The following LRRC37A2 variants were observed in gnomAD, a reference collection of about 807,000 sequenced individuals.
LRRC37A2 encodes the protein leucine-rich repeat-containing protein 37A2.
In LRRC37A2, 9 loss-of-function variants were observed where a neutral mutation model predicts 68.8. The observed-to-expected ratio is 0.13, with a 90% CI of 0.08 to 0.23. The LOEUF is 0.23. Ranked by LOEUF, LRRC37A2 falls within the 10% of genes least tolerant of loss-of-function variation. LRRC37A2 has a pLI of 1.00. For missense variants in LRRC37A2, 168 were observed against 950.4 expected, an observed-to-expected ratio of 0.18 and a Z score of 10.82; for synonymous variants, 63 against 367.6, an observed-to-expected ratio of 0.17 and a Z score of 9.48.
chr17:46,542,709 T>A (rs1240525198), intron 8 of LRRC37A2, among the ~76,000 whole-genome samples: 2 of 149,910 alleles, frequency 1.3e-5, no homozygotes, highest in African/African-American at 5.1e-5. Context: ...ATATATATAT[T>A]TATATATATG....
At chr17:46,962,613 G>A in the LRRC37A2 span, among the ~76,000 whole-genome samples, 1 of 152,222 alleles carries the variant, frequency 6.6e-6, no homozygotes, top group African/African-American at 2.4e-5. Flanking sequence ...GCCACATGGA[G>A]GAAATGCCAT....
chr17:47,040,539 TA>T, the LRRC37A2 span, among the ~76,000 whole-genome samples: 6 of 141,542 alleles, frequency 4.2e-5, no homozygotes, highest in Non-Finnish European at 9.4e-5. Flanking sequence ...ACTTCTTCTG[TA>T]AAGTCTCGCA....
chr17:46,552,930 C>G (rs2056933535), intron 11 of LRRC37A2, among the ~76,000 whole-genome samples: 4 of 144,070 alleles, frequency 2.8e-5, no homozygotes, highest in Admixed American at 1.4e-4. Flanking sequence ...TAGTATGCAC[C>G]TGTAGTCTCA....
chr17:47,035,526 G>A, the LRRC37A2 span, among the ~76,000 whole-genome samples: 7 of 152,150 alleles, frequency 4.6e-5, no homozygotes, highest in African/African-American at 1.7e-4. Context: ...ATATTCCATT[G>A]TATGGAGCCA....
the LRRC37A2 span, among the ~76,000 whole-genome samples, chr17:46,784,213 A>T: frequency 6.6e-6 from 1 of 152,186 alleles, no homozygotes; most frequent in African/African-American, 2.4e-5. Context: ...GAAGGAGGAA[A>T]GTATGGCCAA....
the LRRC37A2 span, among the ~76,000 whole-genome samples, chr17:46,859,394 T>A: frequency 1.0e-3 from 155 of 152,350 alleles, no homozygotes; most frequent in African/African-American, 3.6e-3. Context: ...CAGTGCCATT[T>A]GTTGAAATGA....
the LRRC37A2 span, among the ~76,000 whole-genome samples, chr17:46,748,005 TAAAAAGGTTAGA>T: frequency 3.3e-5 from 5 of 152,226 alleles, no homozygotes; most frequent in Non-Finnish European, 5.9e-5. Context: ...AGTTTTGTAT[TAAAAAGGTTAGA>T]AACAAAAGAT....
At chr17:46,868,028 T>C in the LRRC37A2 span, among the ~76,000 whole-genome samples, 2 of 152,046 alleles carry the variant, frequency 1.3e-5, no homozygotes, top group Non-Finnish European at 1.5e-5. Flanking sequence ...CATTGCTTTC[T>C]TAATGGGAAA....
At chr17:46,377,557 T>A in the LRRC37A2 span, among the ~76,000 whole-genome samples, 1 of 41,948 alleles carries the variant, frequency 2.4e-5, no homozygotes, top group African/African-American at 4.6e-5. Flanking sequence ...AATTTATTCC[T>A]CCTATCACTG....
the LRRC37A2 span, among the ~76,000 whole-genome samples, chr17:46,823,338 C>T: frequency 6.7e-6 from 1 of 150,342 alleles, no homozygotes; most frequent in South Asian, 2.1e-4. Flanking sequence ...CCTCAGCCTC[C>T]CAAGCAGCTG....
the LRRC37A2 span, among the ~76,000 whole-genome samples, chr17:47,025,551 A>C: frequency 6.6e-6 from 1 of 152,260 alleles, no homozygotes; most frequent in South Asian, 2.1e-4. Flanking sequence ...CCTAAGAAGC[A>C]CATCAGAAAT....
the LRRC37A2 span, among the ~76,000 whole-genome samples, chr17:46,479,607 A>G: frequency 9.8e-6 from 1 of 102,090 alleles, no homozygotes; most frequent in Non-Finnish European, 2.2e-5. Context: ...TCCTGGGTTC[A>G]AGTGATTCTC....
chr17:46,896,394 G>GAAAGAAAT, the LRRC37A2 span, among the ~76,000 whole-genome samples: 1 of 49,350 alleles, frequency 2.0e-5, no homozygotes, highest in Non-Finnish European at 3.6e-5. Flanking sequence ...GAAAGAAAGA[G>GAAAGAAAT]AAAGAAAGAA....
At chr17:46,999,021 C>T in the LRRC37A2 span, among the ~76,000 whole-genome samples, 3 of 152,210 alleles carry the variant, frequency 2.0e-5, no homozygotes, top group East Asian at 1.9e-4. Context: ...ATCATGGATG[C>T]TTAACATTCT....
At chr17:46,727,275 A>G in the LRRC37A2 span, among the ~76,000 whole-genome samples, 3 of 152,230 alleles carry the variant, frequency 2.0e-5, no homozygotes, top group African/African-American at 4.8e-5. Context: ...CACTTAACTC[A>G]TAAGAAATAA....
At chr17:46,539,768 C>CAAAGAAA (rs2054947658) in intron 6 of LRRC37A2, among the ~76,000 whole-genome samples, 1 of 67,036 alleles carries the variant, frequency 1.5e-5, no homozygotes, top group Non-Finnish European at 2.7e-5. Flanking sequence ...GACTCCATCT[C>CAAAGAAA]AAAAAAAAAA....
the LRRC37A2 span, among the ~76,000 whole-genome samples, chr17:46,928,446 A>G: frequency 6.6e-6 from 1 of 152,024 alleles, no homozygotes. Context: ...ACTTGGGGAA[A>G]TCTCCACCGT....
chr17:46,851,601 C>T, the LRRC37A2 span: 1 of 1,187,382 alleles, frequency 8.4e-7, no homozygotes, highest in Non-Finnish European at 1.1e-6. This position sits in a 1 kb window ranked among gnomAD's most constrained non-coding sequence, Gnocchi z 4.3. Context: ...GCTTGAGCGG[C>T]GCGAGGAGAT....
chr17:46,758,509 G>A, the LRRC37A2 span, among the ~76,000 whole-genome samples: 7 of 152,206 alleles, frequency 4.6e-5, no homozygotes, highest in Non-Finnish European at 8.8e-5. Flanking sequence ...ATCTATAGGC[G>A]AATTGTTAAC....
Sources: gnomAD v4.1 joint callset for allele counts (sites outside exome capture counted in the v4.1 genomes callset) on GRCh38, gnomAD v4.1.1 for gene constraint, Gnocchi (gnomAD v3.1) non-coding constraint, MANE v1.5 for transcripts, NCBI Gene and HGNC (gene_info 2026-07-23, HGNC 2026-07-21) for gene names.